Variants in LRIG3 observed in about 807,000 individuals in gnomAD.
The protein encoded by LRIG3 is leucine-rich repeats and immunoglobulin-like domains protein 3.
A neutral mutation model predicts 114.5 loss-of-function variants in LRIG3; 76 were observed. The observed-to-expected ratio is 0.66, with a 90% CI of 0.55 to 0.80. The LOEUF is 0.80. Among genes scored for constraint, LRIG3 ranks in the 30% least tolerant of loss-of-function variants. The pLI is 0.00. For synonymous variants in LRIG3, 512 were observed against 519.8 expected (o/e 0.98, Z 0.20); for missense variants, 1,239 against 1,382.8 (o/e 0.90, Z 1.65).
At chr12:58,907,067 A>G (rs1282995465) in intron 3 of LRIG3, among the ~76,000 whole-genome samples, 2 of 151,352 alleles carry the variant, frequency 1.3e-5, no homozygotes, top group Non-Finnish European at 2.9e-5. Flanking sequence ...TTCCTTCTCC[A>G]CCTCACTTCC....
chr12:58,910,764 G>T (rs1429970653), intron 3 of LRIG3, among the ~76,000 whole-genome samples: 3 of 152,178 alleles, frequency 2.0e-5, no homozygotes, highest in Admixed American at 1.3e-4. Flanking sequence ...GACCCAACTA[G>T]CTCCGTTTAA....
chr12:58,889,909 C>T (rs1871395733), intron 5 of LRIG3, 87 bp downstream of exon 5: 1 of 1,505,792 alleles, frequency 6.6e-7, no homozygotes, highest in Admixed American at 1.9e-5. Flanking sequence ...TCCTAAACTC[C>T]TTTTTGCCAC....
At position 58,914,325 on chromosome 12, in the gene LRIG3, T is replaced by C; in HGVS notation, c.248A>G (p.His83Arg). ...TGCCTTGATGAAAGATAATCTGTTG[T>C]GACTTAAGTCCCTATAAGAAAACAA... ...PSWVARLDLS[H>R]NRLSFIKASS... Residue 83 changes from histidine (H) to arginine (R), a missense_variant, in exon 2 of 19, where the codon CAC becomes CGC. His to Arg is a conservative substitution (Grantham distance 29). Coordinates refer to ENST00000320743, the MANE Select transcript of LRIG3 (RefSeq NM_153377.5). 1 of 1,613,510 alleles carries C rather than the reference T, an allele frequency of 6.2e-7. No homozygotes were observed. The highest frequency in any genetic ancestry group is 8.5e-7 in the Non-Finnish European group (1 of 1,179,526).
chr12:58,901,279 T>G (rs190945985), intron 3 of LRIG3, among the ~76,000 whole-genome samples: 1 of 152,332 alleles, frequency 6.6e-6, no homozygotes, highest in East Asian at 1.9e-4. Context: ...TAATATAATC[T>G]GAAACTTCAT....
At chr12:58,905,844 C>G (rs943186424) in intron 3 of LRIG3, among the ~76,000 whole-genome samples, 2 of 152,196 alleles carry the variant, frequency 1.3e-5, no homozygotes, top group Non-Finnish European at 2.9e-5. Flanking sequence ...GGCCCATCAA[C>G]CTTGGACTTC....
intron 3 of LRIG3, among the ~76,000 whole-genome samples, chr12:58,903,622 G>A (rs1371469205): frequency 1.2e-4 from 18 of 151,706 alleles, no homozygotes; most frequent in Non-Finnish European, 2.4e-4. Flanking sequence ...TTGGTGTTTT[G>A]GACATGAAGT....
intron 4 of LRIG3, 54 bp from the exon 5 acceptor site, chr12:58,890,193 T>G: frequency 6.3e-7 from 1 of 1,589,052 alleles, no homozygotes; most frequent in South Asian, 1.1e-5. Context: ...CAAGTTAAAG[T>G]GCAGGCCATC....
At chr12:58,915,058 T>G (rs1030442814) in intron 1 of LRIG3, among the ~76,000 whole-genome samples, 1 of 152,244 alleles carries the variant, frequency 6.6e-6, no homozygotes, top group African/African-American at 2.4e-5. Flanking sequence ...ACAATTTCCA[T>G]AGAACATCAT....
intron 3 of LRIG3, among the ~76,000 whole-genome samples, chr12:58,899,543 A>T (rs1248935809): frequency 2.0e-5 from 3 of 148,806 alleles, no homozygotes; most frequent in African/African-American, 5.0e-5. Flanking sequence ...TATTCCTTTT[A>T]CTGTTTTTTT....
chr12:58,906,854 G>A (rs1212897670), intron 3 of LRIG3, among the ~76,000 whole-genome samples: 4 of 151,356 alleles, frequency 2.6e-5, no homozygotes, highest in African/African-American at 7.3e-5. Flanking sequence ...AAAATTAAAT[G>A]ACTTTAATGA....
intron 10 of LRIG3, among the ~76,000 whole-genome samples, chr12:58,884,147 A>G (rs1871200030): frequency 6.6e-6 from 1 of 152,206 alleles, no homozygotes; most frequent in Non-Finnish European, 1.5e-5. Context: ...GCTTTTAACC[A>G]TTAACCTAAT....
At chr12:58,895,641 T>C (rs911627147) in intron 3 of LRIG3, among the ~76,000 whole-genome samples, 14 of 151,920 alleles carry the variant, frequency 9.2e-5, no homozygotes, top group Admixed American at 2.0e-4. Flanking sequence ...AGATCAACTG[T>C]GGGGAGGGGG....
intron 12 of LRIG3, among the ~76,000 whole-genome samples, chr12:58,882,653 C>G (rs1871157992): frequency 6.6e-6 from 1 of 152,138 alleles, no homozygotes; most frequent in African/African-American, 2.4e-5. Flanking sequence ...ACCGCACCAT[C>G]CTGATGCCAA....
chr12:58,877,743 G>C lies in LRIG3; in HGVS notation c.2193C>G (p.Thr731=). 3 of 1,614,154 alleles carry C rather than the reference G, an allele frequency of 1.9e-6. No individual in the cohort carries two copies. The highest frequency in any genetic ancestry group is 1.7e-6 in the Non-Finnish European group (2 of 1,180,034). ...GGSPPPKLNW[T]KDDSPLVVTE... is the part of the protein sequence containing the mutation. Reference sequence around the variant, plus strand: ...TTACCACCAATGGGCTATCATCTTTGGTCCAGTTCAGTTTAGGGGGAGGGC... The same window carrying C: ...TTACCACCAATGGGCTATCATCTTTCGTCCAGTTCAGTTTAGGGGGAGGGC... The change falls in exon 15 of 19, where the codon ACC becomes ACG. Residue 731 remains threonine, a synonymous_variant. Transcript: ENST00000320743.
At chr12:58,907,575 G>A (rs544994621) in intron 3 of LRIG3, among the ~76,000 whole-genome samples, 26 of 152,280 alleles carry the variant, frequency 1.7e-4, no homozygotes, top group African/African-American at 5.3e-4. Flanking sequence ...AGCTGCTGGC[G>A]CTCACATTTT....
chr12:58,872,516 T>C lies in LRIG3; in HGVS notation c.*56A>G. On this transcript the variant is annotated 3_prime_UTR_variant, in exon 19 of 19. Transcript: ENST00000320743. The stretch of plus-strand genomic sequence containing the variant: ...AAAAAACATAAGATTCTCTCTCTTT[T>C]AAATAAAAGTTCACTTGAGGTAGTA... 1 of 1,478,408 alleles carries C rather than the reference T, an allele frequency of 6.8e-7. No homozygotes were observed. Among genetic ancestry groups the C allele is most frequent in the Admixed American group, 2.3e-5 (1 of 43,462 alleles). The allele number at this position is 1,478,408 out of a possible 1,614,324, so 91.6% of individuals were successfully genotyped here. A position where few individuals can be genotyped will look rare whatever the true frequency, so the allele number is the denominator to read the frequency against.
At position 58,920,196 on chromosome 12, in the gene LRIG3, C is replaced by T. The variant is rs1872623504; in HGVS notation, c.40G>A (p.Gly14Arg). The T allele has an allele frequency of 7.0e-7, 1 of 1,429,484 alleles. No homozygotes were observed. The highest frequency in any genetic ancestry group is 1.5e-5 in the African/African-American group (1 of 66,278). The allele number at this position is 1,429,484 out of a possible 1,614,324, so 88.6% of individuals were successfully genotyped here. Residue 14 changes from glycine to arginine, a missense_variant, in exon 1 of 19, where the codon GGG becomes AGG. By Grantham distance (125) the Gly-to-Arg change is moderately radical. Transcript: ENST00000320743. ...CCCAGCACCGCGCACAGCAGCAGCCCCAACCCCGCGGCGCGCGCACGGAGG... is the reference window on the plus strand; with the variant it reads ...CCCAGCACCGCGCACAGCAGCAGCCTCAACCCCGCGGCGCGCGCACGGAGG... ...PSLRARAAGLGLLLCAVLGRA... is the reference protein window; with the variant it reads ...PSLRARAAGLRLLLCAVLGRA...
intron 1 of LRIG3, chr12:58,914,538 G>T (rs1259178467): frequency 3.7e-6 from 2 of 541,024 alleles, no homozygotes; most frequent in Non-Finnish European, 6.5e-6. Context: ...GAGACTGGCA[G>T]ATTCAAATAC....
chr12:58,910,298 G>A (rs140893428), intron 3 of LRIG3, among the ~76,000 whole-genome samples: 1 of 152,170 alleles, frequency 6.6e-6, no homozygotes, highest in South Asian at 2.1e-4. Context: ...AATCTCTAGG[G>A]ATAGTGTCTG....
Sources: allele counts gnomAD v4.1 joint callset (sites outside exome capture counted in the v4.1 genomes callset), GRCh38; gene constraint gnomAD v4.1.1; transcripts MANE v1.5; gene names NCBI Gene and HGNC (gene_info 2026-07-23, HGNC 2026-07-21).